The following HSPA12A variants were observed in gnomAD, a reference collection of about 807,000 sequenced individuals.
HSPA12A encodes the protein heat shock 70 kDa protein 12A.
Under a neutral mutation model 69.2 loss-of-function variants are expected in HSPA12A, and 28 were observed. The observed-to-expected ratio is 0.40, with a 90% CI of 0.30 to 0.55. HSPA12A has a LOEUF of 0.55. Ranked by LOEUF, HSPA12A falls within the 20% of genes least tolerant of loss-of-function variation. The pLI, the probability that HSPA12A is intolerant of heterozygous loss-of-function variation, is 0.38. For synonymous variants in HSPA12A, 345 were observed against 370.5 expected (o/e 0.93, Z 0.79); for missense variants, 686 against 900.7 (o/e 0.76, Z 3.05).
At chr10:116,704,709 GCA>G (rs782154143) in intron 3 of HSPA12A, among the ~76,000 whole-genome samples, 8 of 152,150 alleles carry the variant, frequency 5.3e-5, no homozygotes, top group African/African-American at 7.2e-5. Context: ...CCTTTCATTT[GCA>G]CACACACATT....
At chr10:116,747,629 G>A (rs1275788437) in intron 2 of HSPA12A, among the ~76,000 whole-genome samples, 1 of 152,206 alleles carries the variant, frequency 6.6e-6, no homozygotes, top group Non-Finnish European at 1.5e-5. Flanking sequence ...CTCTTCTCCA[G>A]CCCACAGCCC....
chr10:116,708,510 G>A (rs376976668), intron 1 of HSPA12A, among the ~76,000 whole-genome samples: 2 of 152,210 alleles, frequency 1.3e-5, no homozygotes, highest in East Asian at 1.9e-4. Flanking sequence ...TACTTGATGA[G>A]GACTCAGGCA....
At chr10:116,752,183 G>A (rs960295987) in intron 2 of HSPA12A, among the ~76,000 whole-genome samples, 6 of 152,174 alleles carry the variant, frequency 3.9e-5, no homozygotes, top group African/African-American at 1.4e-4. Context: ...CTTGGGGCTA[G>A]AAGGGGCAGA....
chr10:116,693,235 A>G (rs1306235583), intron 5 of HSPA12A, among the ~76,000 whole-genome samples: 1 of 152,188 alleles, frequency 6.6e-6, no homozygotes, highest in Non-Finnish European at 1.5e-5. Context: ...GCTATGAATG[A>G]TATGACCTCA....
Position 116,681,232 on chromosome 10 carries a change from C to T in HSPA12A, c.947G>A (p.Ser316Asn), listed in dbSNP as rs782652726. ...TGTCAGGTCTACGGTGCCACCGCCA[C>T]TGTCCACAACCACATACTTATCACC... ...EEGDKYVVVD[S>N]GGGTVDLTVH... is the part of the protein sequence containing the mutation. Residue 316 changes from serine to asparagine, a missense_variant, in exon 9 of 12, where the codon AGT becomes AAT. By Grantham distance (46) the Ser-to-Asn change is conservative. Transcript: ENST00000369209. 6.2e-6 allele frequency: 10 copies of T among 1,614,004 alleles called. No homozygotes were observed. Among genetic ancestry groups the T allele is most frequent in the Non-Finnish European group, 6.8e-6 (8 of 1,179,988 alleles).
At chr10:116,678,944 T>C (rs1395709335) in intron 10 of HSPA12A, among the ~76,000 whole-genome samples, 1 of 152,184 alleles carries the variant, frequency 6.6e-6, no homozygotes, top group Admixed American at 6.5e-5. Context: ...ATATTATATA[T>C]ATAAATTTAA....
chr10:116,819,732 G>A (rs1452837421), intron 2 of HSPA12A, among the ~76,000 whole-genome samples: 2 of 152,220 alleles, frequency 1.3e-5, no homozygotes, highest in Admixed American at 6.5e-5. Context: ...TGATGGCAAC[G>A]TGGGAAAATC....
At chr10:116,738,412 CT>C (rs1185585277) in intron 1 of HSPA12A, among the ~76,000 whole-genome samples, 1 of 152,194 alleles carries the variant, frequency 6.6e-6, no homozygotes, top group Non-Finnish European at 1.5e-5. Context: ...TAGTCCACGC[CT>C]TTCTCGGAAG....
At position 116,765,711 on chromosome 10, in the gene HSPA12A, A is replaced by G. The variant is rs189665125; in HGVS notation, c.92-58426T>C. 2.6e-3 allele frequency among the ~76,000 whole-genome samples: 401 copies of G among 152,272 alleles called. 3 individuals are homozygous for G. Among genetic ancestry groups the G allele is most frequent in the Admixed American group, 0.015 (235 of 15,294 alleles). On this transcript the variant is annotated intron_variant, in intron 2 of 12. Coordinates refer to the HSPA12A transcript ENST00000635765. ...GTGTGGGGCAGGACACACCCGTTAG[A>G]TGCTGAGAAACCTGCCATAGCCTGC...
chr10:116,779,434 C>T (rs1473069934), intron 2 of HSPA12A, among the ~76,000 whole-genome samples: 1 of 152,164 alleles, frequency 6.6e-6, no homozygotes, highest in Non-Finnish European at 1.5e-5. Context: ...GCCCCTCCCT[C>T]AGAGAGAACC....
intron 2 of HSPA12A, 66 bp from the exon 3 acceptor site, chr10:116,705,344 T>A: frequency 1.9e-6 from 3 of 1,572,096 alleles, no homozygotes; most frequent in South Asian, 1.1e-5. Context: ...AAGACACCCC[T>A]GGGGGGTCTC....
intron 4 of HSPA12A, among the ~76,000 whole-genome samples, chr10:116,699,786 C>T (rs1440857318): frequency 1.3e-5 from 2 of 152,234 alleles, no homozygotes; most frequent in Non-Finnish European, 2.9e-5. Flanking sequence ...ACCTGCCATC[C>T]TGATACTCAG....
At chr10:116,849,358 G>A (rs1441107198) in intron 1 of HSPA12A, among the ~76,000 whole-genome samples, 1 of 152,320 alleles carries the variant, frequency 6.6e-6, no homozygotes, top group East Asian at 1.9e-4. Context: ...CCAACCCCCG[G>A]ACCTAATGCC....
intron 5 of HSPA12A, chr10:116,698,394 G>A (rs758362): frequency 0.3 from 117,017 of 394,772 alleles, 19,002 homozygotes; most frequent in African/African-American, 0.43. Context: ...TGGGTCCTAC[G>A]GTAACTCTGT....
At chr10:116,778,812 A>G (rs971086453) in intron 2 of HSPA12A, among the ~76,000 whole-genome samples, 4 of 152,102 alleles carry the variant, frequency 2.6e-5, no homozygotes, top group African/African-American at 9.7e-5. Flanking sequence ...GCATGTGCCT[A>G]TGGTCCTAGC....
rs1312322905 is a variant in HSPA12A at position 116,841,475 on chromosome 10, G to T, written c.4-6453C>A. The stretch of plus-strand genomic sequence containing the variant: ...AATTACATTATTTAATTAAAAACAG[G>T]ATTAATCATACATTATCCCTTGTCA... On this transcript the variant is annotated intron_variant, in intron 1 of 12. Coordinates refer to the HSPA12A transcript ENST00000635765. Among the ~76,000 whole-genome samples, 3 of 152,178 alleles carry T rather than the reference G, an allele frequency of 2.0e-5. No individual in the cohort carries two copies. The East Asian group carries it at 5.8e-4, about 29-fold the overall frequency.
chr10:116,819,812 T>C (rs1023708245), intron 2 of HSPA12A, among the ~76,000 whole-genome samples: 1 of 152,176 alleles, frequency 6.6e-6, no homozygotes, highest in Non-Finnish European at 1.5e-5. Flanking sequence ...CATACATGTT[T>C]GTAAACAACT....
At chr10:116,704,623 TA>T (rs1326495108) in intron 3 of HSPA12A, among the ~76,000 whole-genome samples, 2 of 151,724 alleles carry the variant, frequency 1.3e-5, no homozygotes, top group African/African-American at 2.4e-5. Context: ...TAACAAAATT[TA>T]AAAAAAATAA....
At chr10:116,788,046 G>A (rs1482782351) in intron 2 of HSPA12A, among the ~76,000 whole-genome samples, 1 of 152,146 alleles carries the variant, frequency 6.6e-6, no homozygotes, top group African/African-American at 2.4e-5. Flanking sequence ...CCACCTCCAC[G>A]CAACGCCGTT....
Sources: gnomAD v4.1 joint callset for allele counts (sites outside exome capture counted in the v4.1 genomes callset) on GRCh38, gnomAD v4.1.1 for gene constraint, MANE v1.5 for transcripts, NCBI Gene and HGNC (gene_info 2026-07-23, HGNC 2026-07-21) for gene names.